The following ADARB1 variants were observed in gnomAD, a reference collection of about 807,000 sequenced individuals.
ADARB1 encodes the protein adenosine deaminase RNA specific B1.
ADARB1 carries 10 observed loss-of-function variants against 52.4 expected under a neutral mutation model. The ratio of observed to expected loss-of-function variants is 0.19; its 90% CI spans 0.12 to 0.32. The LOEUF (loss-of-function observed/expected upper bound fraction) is 0.32. Among genes scored for constraint, ADARB1 ranks in the 10% least tolerant of loss-of-function variants. The pLI is 1.00. For missense variants in ADARB1, 643 were observed against 922.3 expected (o/e 0.70, Z 3.92); for synonymous variants, 349 against 371.1 (o/e 0.94, Z 0.68).
intron 1 of ADARB1, among the ~76,000 whole-genome samples, chr21:45,096,845 T>C (rs2086784521): frequency 6.6e-6 from 1 of 152,226 alleles, no homozygotes; most frequent in Non-Finnish European, 1.5e-5. Context: ...GTTCACACCA[T>C]TCTCCTGCCT....
At chr21:45,116,320 T>C (rs1004688407) in intron 1 of ADARB1, among the ~76,000 whole-genome samples, 6 of 152,250 alleles carry the variant, frequency 3.9e-5, no homozygotes, top group South Asian at 2.1e-4. Context: ...GTGCCTTCCC[T>C]TGCCTCGGCT....
intron 1 of ADARB1, among the ~76,000 whole-genome samples, chr21:45,118,407 G>T (rs1461422083): frequency 6.6e-6 from 1 of 151,976 alleles, no homozygotes; most frequent in Non-Finnish European, 1.5e-5. Context: ...CTTCCTTATA[G>T]AATGGATGGC....
At chr21:45,141,156 A>G (rs1163395499) in intron 2 of ADARB1, among the ~76,000 whole-genome samples, 1 of 152,216 alleles carries the variant, frequency 6.6e-6, no homozygotes, top group Admixed American at 6.5e-5. Context: ...AGATTGTGCC[A>G]ATGCACTCCA....
rs747112715 is a variant in ADARB1 at position 45,183,519 on chromosome 21, C to G, written c.1396+9C>G. 22 of 1,610,862 alleles carry G rather than the reference C, an allele frequency of 1.4e-5. No homozygotes were observed. Among genetic ancestry groups the G allele is most frequent in the Non-Finnish European group, 1.9e-5 (22 of 1,179,218 alleles). ...TGAGCCAATCCTGGAAGGTATGAGA[C>G]GAGATTCTTCAACAAGCCAGTTTCT... On this transcript the variant is annotated intron_variant, in intron 7 of 10. Coordinates refer to ENST00000348831, the MANE Select transcript of ADARB1 (RefSeq NM_001112.4).
In ADARB1 at chr21:45,223,158, C is replaced by T. The variant is rs2092994937; in HGVS notation, c.*961C>T. 8 of 985,342 alleles carry T rather than the reference C, an allele frequency of 8.1e-6. No homozygotes were observed. Among genetic ancestry groups the T allele is most frequent in the African/African-American group, 1.7e-5 (1 of 57,226 alleles). The allele number at this position is 985,342 out of a possible 1,614,324, so 61.0% of individuals were successfully genotyped here. A position where few individuals can be genotyped will look rare whatever the true frequency, so the allele number is the denominator to read the frequency against. ...AATCGAATGGATGTGGGTGACCGCCCGAAGGCCTTCACAGGATGGAAGTAG... is the reference window on the plus strand; with the variant it reads ...AATCGAATGGATGTGGGTGACCGCCTGAAGGCCTTCACAGGATGGAAGTAG... On this transcript the variant is annotated 3_prime_UTR_variant, in exon 11 of 11. Transcript: ENST00000348831.
rs3838131 is a variant in ADARB1 at position 45,176,960 on chromosome 21, AC to A, written c.963+304del. 193,982 of 292,878 alleles carry A rather than the reference AC, an allele frequency of 0.66. 65,539 individuals carry two copies. The highest frequency in any genetic ancestry group is 0.8 in the African/African-American group (37,186 of 46,412). 18.1% of individuals were successfully genotyped at this position (292,878 alleles called of 1,614,324 possible). ...TCCATAACTCCCTTCCCGTTAGGCA[AC>A]CCCCCCCATGACCCTCATCCCACAG... On this transcript the variant is annotated intron_variant, in intron 4 of 10. Coordinates refer to ENST00000348831, the MANE Select transcript of ADARB1 (RefSeq NM_001112.4). The surrounding 1 kb of genome is among the most constrained non-coding windows in gnomAD (Gnocchi z 5.8).
intron 9 of ADARB1, among the ~76,000 whole-genome samples, chr21:45,213,102 C>T (rs2092800744): frequency 6.6e-6 from 1 of 152,142 alleles, no homozygotes; most frequent in Non-Finnish European, 1.5e-5. Flanking sequence ...TAACTTGGAA[C>T]AGAAAGGCAG....
intron 2 of ADARB1, among the ~76,000 whole-genome samples, chr21:45,154,199 A>G (rs1031632242): frequency 4.5e-4 from 69 of 152,316 alleles, no homozygotes; most frequent in African/African-American, 1.6e-3. Context: ...GGTTATAAGA[A>G]ATTGAGAGGG....
At chr21:45,078,285 G>T (rs1358128195) in intron 1 of ADARB1, among the ~76,000 whole-genome samples, 1 of 152,142 alleles carries the variant, frequency 6.6e-6, no homozygotes, top group Non-Finnish European at 1.5e-5. Flanking sequence ...TTGGAACCTG[G>T]TTCCATTTCA....
chr21:45,152,419 C>T (rs774547240), intron 2 of ADARB1, among the ~76,000 whole-genome samples: 10 of 152,174 alleles, frequency 6.6e-5, no homozygotes, highest in Non-Finnish European at 1.5e-4. Flanking sequence ...TGTGTGGGCC[C>T]CTTCAGCCTA....
intron 2 of ADARB1, among the ~76,000 whole-genome samples, chr21:45,165,792 A>G (rs2091231124): frequency 6.6e-6 from 1 of 151,778 alleles, no homozygotes; most frequent in Non-Finnish European, 1.5e-5. Context: ...ATAGTAAAGA[A>G]TGAACACGAA....
At chr21:45,194,212 G>A (rs1376898851) in intron 8 of ADARB1, among the ~76,000 whole-genome samples, 13 of 152,228 alleles carry the variant, frequency 8.5e-5, no homozygotes, top group Admixed American at 7.9e-4. Flanking sequence ...GTGCCCTCAC[G>A]TATGCACAGC....
intron 9 of ADARB1, among the ~76,000 whole-genome samples, chr21:45,217,535 A>C (rs2092887989): frequency 6.6e-6 from 1 of 152,168 alleles, no homozygotes; most frequent in Non-Finnish European, 1.5e-5. Context: ...ACACTTTTGC[A>C]TGTGTTAAAA....
At chr21:45,158,317 C>T (rs1165125338) in intron 2 of ADARB1, among the ~76,000 whole-genome samples, 4 of 152,154 alleles carry the variant, frequency 2.6e-5, no homozygotes, top group African/African-American at 9.7e-5. Flanking sequence ...TTCTGATCAT[C>T]GCCTCCAGAG....
At chr21:45,181,454 A>C (rs1349643828) in intron 5 of ADARB1, 1 of 152,060 alleles carries the variant, frequency 6.6e-6, no homozygotes, top group Non-Finnish European at 1.5e-5. Flanking sequence ...CTCTCTCCTT[A>C]CTGCTATCTT....
intron 1 of ADARB1, among the ~76,000 whole-genome samples, chr21:45,110,198 TTGA>T (rs1341123421): frequency 6.6e-6 from 1 of 152,218 alleles, no homozygotes; most frequent in Non-Finnish European, 1.5e-5. Flanking sequence ...ATTTTCTTCC[TTGA>T]GGAGAAACCA....
Position 45,134,412 on chromosome 21 carries a change from G to A in ADARB1, c.-48+5839G>A, listed in dbSNP as rs557699759. ...CCGATGGGTGTGTGTGCCCGACAGT[G>A]GTGTGTGCGCCCGACGGGTGTGTGC... On this transcript the variant is annotated intron_variant, in intron 2 of 10. Transcript: ENST00000348831. Among the ~76,000 whole-genome samples, 17 of 151,694 alleles carry A rather than the reference G, an allele frequency of 1.1e-4. No individual in the cohort carries two copies. In the South Asian group the frequency reaches 3.6e-3, roughly 32 times the overall value.
At chr21:45,144,667 C>A in intron 2 of ADARB1, 1 of 453,614 alleles carries the variant, frequency 2.2e-6, no homozygotes, top group South Asian at 1.6e-5. Flanking sequence ...GGAAGAGAAC[C>A]ATAGCTACGT....
rs554197423 is a variant in ADARB1, at chr21:45,223,159, G to C, written c.*962G>C. ...ATCGAATGGATGTGGGTGACCGCCC[G>C]AAGGCCTTCACAGGATGGAAGTAGA... On this transcript the variant is annotated 3_prime_UTR_variant, in exon 11 of 11. Transcript: ENST00000348831. 49 of 985,358 alleles carry C rather than the reference G, an allele frequency of 5.0e-5. No homozygotes were observed. Among genetic ancestry groups the C allele is most frequent in the Non-Finnish European group, 5.9e-5 (49 of 829,958 alleles). The allele number at this position is 985,358 out of a possible 1,614,324, so 61.0% of individuals were successfully genotyped here. A position where few individuals can be genotyped will look rare whatever the true frequency, so the allele number is the denominator to read the frequency against.
Sources: gnomAD v4.1 joint callset for allele counts (sites outside exome capture counted in the v4.1 genomes callset) on GRCh38, gnomAD v4.1.1 for gene constraint, Gnocchi (gnomAD v3.1) non-coding constraint, MANE v1.5 for transcripts, NCBI Gene and HGNC (gene_info 2026-07-23, HGNC 2026-07-21) for gene names.